TMEM245: variants seen among roughly 807,000 people sequenced by gnomAD.
TMEM245 encodes transmembrane protein 245.
TMEM245 carries 69 observed loss-of-function variants against 101.2 expected under a neutral mutation model. That is an observed-to-expected ratio of 0.68 (90% CI 0.56 to 0.83). The LOEUF is 0.83. Ranked by LOEUF, TMEM245 falls within the 40% of genes least tolerant of loss-of-function variation. TMEM245 has a pLI of 0.00. For synonymous variants in TMEM245, 537 were observed against 449.8 expected (o/e 1.19, Z -2.45); for missense variants, 1,075 against 1,092.8 (o/e 0.98, Z 0.23).
At chr9:109,058,142 G>A (rs548608594) in intron 11 of TMEM245, among the ~76,000 whole-genome samples, 11 of 150,540 alleles carry the variant, frequency 7.3e-5, no homozygotes, top group South Asian at 4.2e-4. Flanking sequence ...CTGTGACTAC[G>A]GGCGCCTGCC....
At chr9:109,035,991 C>CAAAAAA (rs59613050) in intron 16 of TMEM245, 1 of 129,068 alleles carries the variant, frequency 7.7e-6, no homozygotes, top group African/African-American at 3.6e-5. Flanking sequence ...CAACAACAAC[C>CAAAAAA]AAAAAAAAAA....
At position 109,020,394 on chromosome 9, in the gene TMEM245, C is replaced by T; in HGVS notation, c.*66G>A. 6.6e-7 allele frequency: 1 copy of T among 1,508,086 alleles called. No homozygotes were observed. Among genetic ancestry groups the T allele is most frequent in the Non-Finnish European group, 9.2e-7 (1 of 1,083,352 alleles). The allele number at this position is 1,508,086 out of a possible 1,614,324, so 93.4% of individuals were successfully genotyped here. On this transcript the variant is annotated 3_prime_UTR_variant, in exon 18 of 18. Coordinates refer to ENST00000374586, the MANE Select transcript of TMEM245 (RefSeq NM_032012.4). ...AGGCACAGCTGGAAGGGCAGAGGGC[C>T]ACAGCTGAGCTGAACTCGCTGTCAA... is the stretch of plus-strand genomic sequence containing the variant.
chr9:109,045,307 T>C (rs1249421322), intron 14 of TMEM245, among the ~76,000 whole-genome samples: 5 of 152,124 alleles, frequency 3.3e-5, no homozygotes, highest in Non-Finnish European at 5.9e-5. Flanking sequence ...GGGTGTCATA[T>C]AGCAACCTGG....
intron 11 of TMEM245, among the ~76,000 whole-genome samples, chr9:109,057,921 CTTTCTT>C (rs1828889739): frequency 8.3e-6 from 1 of 120,898 alleles, no homozygotes; most frequent in Non-Finnish European, 1.8e-5. Context: ...ACAGCATTTA[CTTTCTT>C]TTTTTTTTTT....
Position 109,097,748 on chromosome 9 carries a change from G to A in TMEM245, c.800-4157C>T, listed in dbSNP as rs533444535. ...TGCCTGGCCAACATGGTGAAACCCC[G>A]TCTCTATTAAAAATACAAAAAAATT... is the stretch of plus-strand genomic sequence containing the variant. On this transcript the variant is annotated intron_variant, in intron 3 of 17. Coordinates refer to ENST00000374586, the MANE Select transcript of TMEM245 (RefSeq NM_032012.4). 9.8e-4 allele frequency among the ~76,000 whole-genome samples: 149 copies of A among 152,064 alleles called. 1 individual carries two copies. The highest frequency in any genetic ancestry group is 3.3e-3 in the African/African-American group (135 of 41,482).
At chr9:109,067,574 T>A (rs924959852) in intron 9 of TMEM245, among the ~76,000 whole-genome samples, 1 of 152,202 alleles carries the variant, frequency 6.6e-6, no homozygotes, top group East Asian at 1.9e-4. Flanking sequence ...AAGGGATAAG[T>A]GCAACTGAGA....
intron 14 of TMEM245, among the ~76,000 whole-genome samples, chr9:109,045,172 C>T (rs1158212647): frequency 6.6e-6 from 1 of 152,126 alleles, no homozygotes; most frequent in Non-Finnish European, 1.5e-5. Context: ...GAACTTATGC[C>T]TTCTAAGTAA....
At position 109,087,191 on chromosome 9, in the gene TMEM245, C is replaced by G; in HGVS notation, c.1302G>C (p.Leu434Phe). 3 of 1,607,260 alleles carry G rather than the reference C, an allele frequency of 1.9e-6. No homozygotes were observed. In the South Asian group the frequency reaches 3.4e-5, roughly 18 times the overall value. The change falls in exon 6 of 18, where the codon TTG becomes TTC. Residue 434 changes from leucine to phenylalanine, a missense_variant. By Grantham distance (22) the Leu-to-Phe change is conservative. Around this residue, in one of 2 missense-constraint regions of TMEM245, gnomAD observed 808 missense variants for 741.5 expected, o/e 1.09. Coordinates refer to ENST00000374586, the MANE Select transcript of TMEM245 (RefSeq NM_032012.4). Reference protein sequence around the residue: ...PWPIVGLGKFLLKVDSKLWHW... With the variant: ...PWPIVGLGKFFLKVDSKLWHW... ...ACAATACCTTGCTATCAACTTTTAA[C>G]AAGAATTTTCCAAGCCCGACAATGG...
intron 1 of TMEM245, among the ~76,000 whole-genome samples, chr9:109,112,842 C>T (rs1830602977): frequency 6.6e-6 from 1 of 152,094 alleles, no homozygotes; most frequent in African/African-American, 2.4e-5. Context: ...CTTTGGGAGA[C>T]CAAGATGGGC....
intron 14 of TMEM245, among the ~76,000 whole-genome samples, chr9:109,047,346 C>T (rs996520117): frequency 3.3e-5 from 5 of 152,194 alleles, no homozygotes; most frequent in South Asian, 2.1e-4. Context: ...TTCCTCATAT[C>T]GCTGTAGATG....
chr9:109,082,338 TAAAAA>T (rs1212666992), intron 7 of TMEM245, among the ~76,000 whole-genome samples: 2 of 111,266 alleles, frequency 1.8e-5, no homozygotes, highest in Admixed American at 1.6e-4. Context: ...TGCAGAGACT[TAAAAA>T]AAAGGAATAA....
intron 12 of TMEM245, among the ~76,000 whole-genome samples, chr9:109,052,770 C>T (rs1015115404): frequency 6.6e-6 from 1 of 151,956 alleles, no homozygotes; most frequent in Non-Finnish European, 1.5e-5. Flanking sequence ...ATTTGACAAG[C>T]ATTCTTTTTG....
intron 3 of TMEM245, among the ~76,000 whole-genome samples, chr9:109,105,225 AC>A (rs1830379562): frequency 6.6e-6 from 1 of 152,366 alleles, no homozygotes; most frequent in African/African-American, 2.4e-5. Context: ...AAGAAGAGAA[AC>A]AAATGGCCAA....
At position 109,077,546 on chromosome 9, in the gene TMEM245, T is replaced by C. The variant is rs141194859; in HGVS notation, c.1449+3293A>G. On this transcript the variant is annotated intron_variant, in intron 8 of 17. Coordinates refer to ENST00000374586, the MANE Select transcript of TMEM245 (RefSeq NM_032012.4). ...TGAATCCTGAACTATAATCATAGAT[T>C]TGTTTATTTCTCCTTTTAATTCTGA... Among the ~76,000 whole-genome samples the C allele has an allele frequency of 3.4e-3, 517 of 152,346 alleles. 6 individuals are homozygous for C. The highest frequency in any genetic ancestry group is 0.012 in the African/African-American group (492 of 41,566).
At position 109,119,358 on chromosome 9, in the gene TMEM245, G is replaced by A. The variant is rs1285359981; in HGVS notation, c.556C>T (p.Leu186=). The A allele has an allele frequency of 1.3e-6, 2 of 1,532,050 alleles. No homozygotes were observed. Among genetic ancestry groups the A allele is most frequent in the South Asian group, 2.4e-5 (2 of 83,678 alleles). The allele number at this position is 1,532,050 out of a possible 1,614,324, so 94.9% of individuals were successfully genotyped here. ...VHAATLICRG[L]DYFSSLWIWT... Reference sequence around the variant, plus strand: ...ACCCACAGGCTGCTGAAGTAGTCCAGCCCGCGGCAGATGAGCGTGGCAGCG... The same window carrying A: ...ACCCACAGGCTGCTGAAGTAGTCCAACCCGCGGCAGATGAGCGTGGCAGCG... The change falls in exon 1 of 18, where the codon CTG becomes TTG. Residue 186 remains leucine (L), a synonymous_variant. Coordinates refer to ENST00000374586, the MANE Select transcript of TMEM245 (RefSeq NM_032012.4).
intron 9 of TMEM245, among the ~76,000 whole-genome samples, chr9:109,067,056 CAAAAAAA>C (rs35037428): frequency 1.2e-5 from 1 of 85,806 alleles, no homozygotes; most frequent in Admixed American, 1.2e-4. Flanking sequence ...GACTCCATCT[CAAAAAAA>C]AAAAAAAAAA....
At chr9:109,088,941 G>A (rs1829921186) in intron 5 of TMEM245, among the ~76,000 whole-genome samples, 1 of 150,644 alleles carries the variant, frequency 6.6e-6, no homozygotes, top group South Asian at 2.1e-4. Context: ...GCTGTATCTT[G>A]TTCCAACTGC....
chr9:109,044,086 A>T (rs1204401109), intron 14 of TMEM245, among the ~76,000 whole-genome samples: 1 of 152,138 alleles, frequency 6.6e-6, no homozygotes, highest in Admixed American at 6.5e-5. Flanking sequence ...TACAATGTTA[A>T]CTCTTCCTAA....
Position 109,119,644 on chromosome 9 carries a change from G to A in TMEM245, c.270C>T (p.Cys90=), listed in dbSNP as rs893380983. The A allele has an allele frequency of 4.5e-6, 7 of 1,563,022 alleles. No individual in the cohort carries two copies. Among genetic ancestry groups the A allele is most frequent in the Non-Finnish European group, 6.1e-6 (7 of 1,156,872 alleles). The change falls in exon 1 of 18, where the codon TGC becomes TGT. Residue 90 remains cysteine (C), a synonymous_variant. Coordinates refer to ENST00000374586, the MANE Select transcript of TMEM245 (RefSeq NM_032012.4). ...TCTTGAAGGGGTGCAGAAAAGTGCC[G>A]CATAGCACGGCCCAGAGCAGCGGCC... The part of the protein sequence containing the change: ...FLRPLLWAVL[C]GTFLHPFKSS...
Sources: gnomAD v4.1 joint callset for allele counts (sites outside exome capture counted in the v4.1 genomes callset) on GRCh38, gnomAD v4.1.1 for gene constraint, gnomAD v4.1.1 regional missense constraint, MANE v1.5 for transcripts, NCBI Gene and HGNC (gene_info 2026-07-23, HGNC 2026-07-21) for gene names.